The following DGKG variants were observed in gnomAD, a reference collection of about 807,000 sequenced individuals.
The protein encoded by DGKG is diacylglycerol kinase gamma.
DGKG carries 78 observed loss-of-function variants against 105.3 expected under a neutral mutation model. That is an observed-to-expected ratio of 0.74 (90% CI 0.62 to 0.89). The LOEUF (loss-of-function observed/expected upper bound fraction) is 0.89, where lower values mean the gene tolerates loss of function less well. Among genes scored for constraint, DGKG ranks in the 40% least tolerant of loss-of-function variants. DGKG has a pLI of 0.00. For missense variants in DGKG, 958 were observed against 1,020.1 expected (o/e 0.94, Z 0.83); for synonymous variants, 346 against 367.1 (o/e 0.94, Z 0.66).
At chr3:186,166,316 G>A (rs1313921092) in intron 22 of DGKG, among the ~76,000 whole-genome samples, 3 of 152,176 alleles carry the variant, frequency 2.0e-5, no homozygotes, top group Admixed American at 6.5e-5. Flanking sequence ...CAGGCACATA[G>A]CTTTCCCCCT....
At chr3:186,333,842 G>C (rs889090252) in intron 1 of DGKG, among the ~76,000 whole-genome samples, 2 of 152,086 alleles carry the variant, frequency 1.3e-5, no homozygotes, top group African/African-American at 4.8e-5. Flanking sequence ...TGGTGATAGC[G>C]GCGTGGTATG....
chr3:186,356,918 A>G (rs929894032), intron 1 of DGKG, among the ~76,000 whole-genome samples: 3 of 151,410 alleles, frequency 2.0e-5, no homozygotes, highest in Admixed American at 2.0e-4. Flanking sequence ...CCAGGGGAGG[A>G]GATGGGGCCA....
intron 22 of DGKG, among the ~76,000 whole-genome samples, chr3:186,173,475 C>T (rs1335531417): frequency 2.0e-5 from 3 of 152,212 alleles, no homozygotes; most frequent in Non-Finnish European, 4.4e-5. Flanking sequence ...TCAGTCCCCA[C>T]AGTCTAGACA....
At chr3:186,337,661 T>C (rs1725893780) in intron 1 of DGKG, among the ~76,000 whole-genome samples, 1 of 152,070 alleles carries the variant, frequency 6.6e-6, no homozygotes, top group African/African-American at 2.4e-5. Context: ...GGTATATAAA[T>C]TGGAATAGAA....
At chr3:186,282,942 C>T (rs1722893404) in intron 7 of DGKG, among the ~76,000 whole-genome samples, 1 of 151,650 alleles carries the variant, frequency 6.6e-6, no homozygotes, top group Non-Finnish European at 1.5e-5. Context: ...CGGAGTCTCC[C>T]TCTGTCGCCC....
At chr3:186,213,783 G>T (rs1181459710) in intron 20 of DGKG, among the ~76,000 whole-genome samples, 1 of 152,172 alleles carries the variant, frequency 6.6e-6, no homozygotes, top group African/African-American at 2.4e-5. Context: ...TATGCAGATG[G>T]TCAGTGGACA....
Position 186,284,841 on chromosome 3 carries a change from C to T in DGKG, c.545-132G>A, listed in dbSNP as rs1560133612. ...AAGGTTATGGCAGCCAGCTCTCCCTCCCTCTGAGCACAGAGTCTGACTTCC... is the reference window on the plus strand; with the variant it reads ...AAGGTTATGGCAGCCAGCTCTCCCTTCCTCTGAGCACAGAGTCTGACTTCC... On this transcript the variant is annotated intron_variant, in intron 6 of 24. Transcript: ENST00000265022. The surrounding 1 kb of genome is among the most constrained non-coding windows in gnomAD (Gnocchi z 4.0). The T allele has an allele frequency of 1.4e-6, 1 of 719,742 alleles. No homozygotes were observed. Among genetic ancestry groups the T allele is most frequent in the Non-Finnish European group, 2.4e-6 (1 of 413,574 alleles). 44.6% of individuals were successfully genotyped at this position (719,742 alleles called of 1,614,324 possible). A position where few individuals can be genotyped will look rare whatever the true frequency, so the allele number is the denominator to read the frequency against.
intron 15 of DGKG, 125 bp from the exon 16 acceptor site, chr3:186,260,638 C>A: frequency 2.7e-6 from 2 of 739,642 alleles, no homozygotes; most frequent in South Asian, 1.7e-5. Context: ...TTCATTTAAA[C>A]CCCGGAGGGG....
Position 186,231,057 on chromosome 3 carries a change from C to T in DGKG, c.1826+11447G>A, listed in dbSNP as rs1465541247. Among the ~76,000 whole-genome samples, 1 of 152,150 alleles carries T rather than the reference C, an allele frequency of 6.6e-6. No homozygotes were observed. The highest frequency in any genetic ancestry group is 1.5e-5 in the Non-Finnish European group (1 of 68,030). ...AAGAGAATTCTTTACTTTTAGAGCA[C>T]ATTTTTTCCCTCTCTCATTCTTTCC... On this transcript the variant is annotated intron_variant, in intron 20 of 24. Coordinates refer to ENST00000265022, the MANE Select transcript of DGKG (RefSeq NM_001346.3). The surrounding 1 kb of genome is among the most constrained non-coding windows in gnomAD (Gnocchi z 4.5).
At position 186,280,658 on chromosome 3, in the gene DGKG, A is replaced by G. The variant is rs1339874234; in HGVS notation, c.669+12T>C. 2 of 1,611,440 alleles carry G rather than the reference A, an allele frequency of 1.2e-6. No homozygotes were observed. The highest frequency in any genetic ancestry group is 2.2e-5 in the South Asian group (2 of 91,004). On this transcript the variant is annotated intron_variant, in intron 8 of 24. Transcript: ENST00000265022. ...CTCACTCCAAAGCCACCCCATCCTT[A>G]TAGAAACTCACAGGCCTCAGCTCTG...
chr3:186,336,690 G>A (rs1725846939), intron 1 of DGKG, among the ~76,000 whole-genome samples: 1 of 152,028 alleles, frequency 6.6e-6, no homozygotes. Flanking sequence ...TAATATTGTT[G>A]AAAAATCTAA....
intron 10 of DGKG, 108 bp downstream of exon 10, chr3:186,275,439 C>T (rs1722533282): frequency 1.0e-6 from 1 of 981,818 alleles, no homozygotes; most frequent in Non-Finnish European, 1.6e-6. Context: ...TGGGTGGTCC[C>T]TCAAGCTGGG....
chr3:186,265,296 C>T lies in DGKG; in HGVS notation c.1220G>A (p.Gly407Asp). The change falls in exon 14 of 25, where the codon GGT (glycine) becomes GAT (aspartate). Residue 407 changes from glycine (G) to aspartate (D), a missense_variant. Gly to Asp is a moderately conservative substitution (Grantham distance 94). Transcript: ENST00000265022. ...GGACACGCAGCCATCAGACTTCTCA[C>T]CTGGCCTGTCCTGTGACAAGAAAGG... ...SICPITRDRP[G>D]EKSDGCVSAK... 7 of 1,614,236 alleles carry T rather than the reference C, an allele frequency of 4.3e-6. No individual in the cohort carries two copies. Among genetic ancestry groups the T allele is most frequent in the Non-Finnish European group, 5.9e-6 (7 of 1,180,026 alleles).
intron 20 of DGKG, among the ~76,000 whole-genome samples, chr3:186,233,638 C>G (rs564744690): frequency 1.2e-4 from 18 of 152,314 alleles, no homozygotes; most frequent in African/African-American, 4.3e-4. Flanking sequence ...CACCACCACG[C>G]CTGGCTAATT....
chr3:186,314,363 A>G (rs916506399), intron 2 of DGKG, among the ~76,000 whole-genome samples: 1 of 152,208 alleles, frequency 6.6e-6, no homozygotes, highest in African/African-American at 2.4e-5. Flanking sequence ...CCTTCTTTCT[A>G]TATGACCTTG....
chr3:186,352,373 G>A (rs926455918), intron 1 of DGKG, among the ~76,000 whole-genome samples: 15 of 152,050 alleles, frequency 9.9e-5, no homozygotes, highest in South Asian at 2.1e-4. Context: ...TCAGGTACTG[G>A]CAATACATTG....
At chr3:186,248,036 C>CT in intron 19 of DGKG, among the ~76,000 whole-genome samples, 1 of 151,774 alleles carries the variant, frequency 6.6e-6, no homozygotes, top group East Asian at 1.9e-4. Flanking sequence ...TTTTTTCCTA[C>CT]TTTTTTTGCT....
chr3:186,163,225 G>A (rs981714065), intron 23 of DGKG, among the ~76,000 whole-genome samples: 1 of 151,902 alleles, frequency 6.6e-6, no homozygotes, highest in Non-Finnish European at 1.5e-5. Context: ...TACTGGTCTT[G>A]AACTCCTGGC....
intron 20 of DGKG, among the ~76,000 whole-genome samples, chr3:186,223,546 C>A (rs62289011): frequency 6.6e-6 from 1 of 152,064 alleles, no homozygotes; most frequent in Non-Finnish European, 1.5e-5. Context: ...AAAATGCACT[C>A]GATAGGGCAG....
Sources: allele counts gnomAD v4.1 joint callset (sites outside exome capture counted in the v4.1 genomes callset), GRCh38; gene constraint gnomAD v4.1.1; non-coding constraint Gnocchi (gnomAD v3.1); transcripts MANE v1.5; gene names NCBI Gene and HGNC (gene_info 2026-07-23, HGNC 2026-07-21).